Variants in KIF13B observed in about 807,000 individuals in gnomAD.
KIF13B encodes kinesin family member 13B.
KIF13B carries 127 observed loss-of-function variants against 222.0 expected under a neutral mutation model. The observed-to-expected ratio is 0.57, with a 90% confidence interval of 0.50 to 0.66. The LOEUF (loss-of-function observed/expected upper bound fraction) is 0.66. Among genes scored for constraint, KIF13B ranks in the 30% least tolerant of loss-of-function variants. The probability of loss-of-function intolerance (pLI) is 0.00; values close to 1 mark genes in which losing one functional copy is unlikely to be tolerated. For missense variants in KIF13B, 2,173 were observed against 2,379.0 expected (o/e 0.91, Z 1.80); for synonymous variants, 976 against 919.0 (o/e 1.06, Z -1.12).
intron 2 of KIF13B, among the ~76,000 whole-genome samples, chr8:29,236,010 C>T (rs1815490585): frequency 6.6e-6 from 1 of 152,160 alleles, no homozygotes; most frequent in Non-Finnish European, 1.5e-5. Context: ...ATCCACAGGA[C>T]AGAACAAATG....
chr8:29,154,774 T>C (rs1339037391), intron 14 of KIF13B, among the ~76,000 whole-genome samples: 1 of 152,176 alleles, frequency 6.6e-6, no homozygotes, highest in East Asian at 1.9e-4. Flanking sequence ...TGTGATTATT[T>C]ATGGCCTCAT....
intron 2 of KIF13B, among the ~76,000 whole-genome samples, chr8:29,231,985 GC>G (rs1372836068): frequency 6.6e-6 from 1 of 152,174 alleles, no homozygotes; most frequent in Non-Finnish European, 1.5e-5. Context: ...TCTGGGTGCA[GC>G]TGGTCATGCC....
intron 36 of KIF13B, among the ~76,000 whole-genome samples, chr8:29,095,533 G>C (rs192099302): frequency 2.6e-5 from 4 of 152,314 alleles, no homozygotes; most frequent in African/African-American, 9.6e-5. Flanking sequence ...TTGGGAGGCC[G>C]AGGCGGGTGG....
chr8:29,071,954 C>G lies in KIF13B; in HGVS notation c.4884G>C (p.Val1628=). Residue 1628 remains valine, a synonymous_variant, in exon 39 of 40, where the codon GTG becomes GTC. Transcript: ENST00000524189. The surrounding 1 kb of genome is among the most constrained non-coding windows in gnomAD (Gnocchi z 4.9). Reference sequence around the variant, plus strand: ...GGTCGGGGCGCTCCCGACCGGGGCTCACGAGCTGCTGGGGGCCAGGGGGCT... The same window carrying G: ...GGTCGGGGCGCTCCCGACCGGGGCTGACGAGCTGCTGGGGGCCAGGGGGCT... ...AEEPPGPQQL[V]SPGRERPDLE... The G allele has an allele frequency of 7.4e-7, 1 of 1,359,102 alleles. No individual in the cohort carries two copies. Among genetic ancestry groups the G allele is most frequent in the African/African-American group, 1.6e-5 (1 of 64,006 alleles). The allele number at this position is 1,359,102 out of a possible 1,614,324, so 84.2% of individuals were successfully genotyped here.
intron 1 of KIF13B, among the ~76,000 whole-genome samples, chr8:29,256,332 G>A (rs1400547015): frequency 2.6e-5 from 4 of 152,144 alleles, no homozygotes; most frequent in Admixed American, 6.6e-5. Context: ...CTCAGATGCC[G>A]ACACAAACCC....
chr8:29,159,799 T>C (rs943463300), intron 13 of KIF13B, among the ~76,000 whole-genome samples: 2 of 152,198 alleles, frequency 1.3e-5, no homozygotes, highest in Non-Finnish European at 1.5e-5. Flanking sequence ...CAATACATCA[T>C]ATAAGATACT....
intron 22 of KIF13B, 123 bp from the exon 23 acceptor site, chr8:29,132,588 T>A: frequency 1.8e-6 from 1 of 552,038 alleles, no homozygotes; most frequent in Non-Finnish European, 2.8e-6. Flanking sequence ...ATGTTTTAGT[T>A]ATACAGAACT....
intron 37 of KIF13B, among the ~76,000 whole-genome samples, chr8:29,088,032 C>G (rs1432456509): frequency 2.0e-5 from 3 of 152,136 alleles, no homozygotes; most frequent in African/African-American, 4.8e-5. Flanking sequence ...CTTTGGGAGG[C>G]TGACGCAGGC....
Position 29,262,986 on chromosome 8 carries a change from G to A in KIF13B, c.49C>T (p.Arg17Trp), listed in dbSNP as rs1237673651. The A allele has an allele frequency of 6.3e-7, 1 of 1,592,118 alleles. No homozygotes were observed. Among genetic ancestry groups the A allele is most frequent in the South Asian group, 1.1e-5 (1 of 87,628 alleles). ...KVAVRIRPMN[R>W]RETDLHTKCV... The stretch of plus-strand genomic sequence containing the variant: ...AGGAGGGCTCGGCTCTCACCTCGCC[G>A]GTTCATGGGTCGTATCCGCACCGCC... Residue 17 changes from arginine (R) to tryptophan (W), a missense_variant, in exon 1 of 40, where the codon CGG becomes TGG. Arg to Trp is a moderately radical substitution (Grantham distance 101, BLOSUM62 -3). Around this residue, in one of 2 missense-constraint regions of KIF13B, gnomAD observed 1,480 missense variants for 1,722.8 expected, o/e 0.86. Transcript: ENST00000524189.
Position 29,142,309 on chromosome 8 carries a change from A to C in KIF13B, c.2188-6T>G. On this transcript the variant is annotated splice_polypyrimidine_tract_variant and splice_region_variant and intron_variant, in intron 18 of 39. Transcript: ENST00000524189. ...TCACTAAGAAGAGAGCCTCGCTGCA[A>C]AGAGAGTAAGAATGACCGTGAGAAA... is the stretch of plus-strand genomic sequence containing the variant. 6.2e-7 allele frequency: 1 copy of C among 1,608,282 alleles called. No individual in the cohort carries two copies. Among genetic ancestry groups the C allele is most frequent in the South Asian group, 1.1e-5 (1 of 90,372 alleles).
In KIF13B at chr8:29,148,660, G is replaced by A. The variant is rs1811169121; in HGVS notation, c.1730C>T (p.Ser577Phe). ...SSEQLDVDGDSSSEVSSEVNF... is the reference protein window; with the variant it reads ...SSEQLDVDGDFSSEVSSEVNF... ...AACTTCACTGGACACCTCGCTGGAG[G>A]AGTCTCCGTCTACATCCAGCTGCTC... is the stretch of plus-strand genomic sequence containing the variant. Residue 577 changes from serine to phenylalanine, a missense_variant, in exon 16 of 40, where the codon TCC becomes TTC. This residue lies in a region of KIF13B where 1,480 missense variants were observed against 1,722.8 expected (regional missense o/e 0.86). Coordinates refer to ENST00000524189, the MANE Select transcript of KIF13B (RefSeq NM_015254.4). 1.2e-6 allele frequency: 2 copies of A among 1,613,076 alleles called. No homozygotes were observed. Among genetic ancestry groups the A allele is most frequent in the South Asian group, 1.1e-5 (1 of 90,724 alleles).
intron 2 of KIF13B, among the ~76,000 whole-genome samples, chr8:29,217,858 C>T (rs1490960181): frequency 6.6e-6 from 1 of 152,152 alleles, no homozygotes; most frequent in Non-Finnish European, 1.5e-5. Flanking sequence ...GGGGGGCTAT[C>T]AGGACACCCC....
chr8:29,150,729 A>G (rs1811260027), intron 14 of KIF13B, among the ~76,000 whole-genome samples: 1 of 152,136 alleles, frequency 6.6e-6, no homozygotes, highest in Non-Finnish European at 1.5e-5. Context: ...GTGATAAGGG[A>G]CCTCTGACCT....
intron 11 of KIF13B, 132 bp from the exon 12 acceptor site, chr8:29,165,904 T>TTCGATTGTAGATTGAAGTACC (rs1554610889): frequency 1.4e-5 from 8 of 567,854 alleles, no homozygotes; most frequent in East Asian, 8.8e-5. Flanking sequence ...TGACATCTAC[T>TTCGATTGTAGATTGAAGTACC]TCGATTGTAG....
rs367799854 is a variant in KIF13B, at chr8:29,099,176, G to A, written c.4281C>T (p.Pro1427=). 34 of 1,613,488 alleles carry A rather than the reference G, an allele frequency of 2.1e-5. No homozygotes were observed. The highest frequency in any genetic ancestry group is 1.6e-4 in the Middle Eastern group (1 of 6,080). The change falls in exon 36 of 40, where the codon CCC becomes CCT. Residue 1427 remains proline (P), a synonymous_variant. Transcript: ENST00000524189. ...TATTTTGGGGAGAAACAGAGAGGGC[G>A]GGGGCAGGAGCTATTCCTCTGGAAA... The part of the protein sequence containing the change: ...TTVSRGIAPA[P]ALSVSPQNNH...
At chr8:29,132,982 T>C (rs1233039235) in intron 22 of KIF13B, among the ~76,000 whole-genome samples, 2 of 152,232 alleles carry the variant, frequency 1.3e-5, no homozygotes, top group Non-Finnish European at 2.9e-5. Flanking sequence ...CATATTGCAA[T>C]TAGGATTTAG....
intron 9 of KIF13B, among the ~76,000 whole-genome samples, 187 bp downstream of exon 9, chr8:29,177,277 ACT>A (rs1812521939): frequency 6.6e-6 from 1 of 151,652 alleles, no homozygotes; most frequent in East Asian, 1.9e-4. Context: ...CTGCTGAGAA[ACT>A]CTGACCTGAC....
chr8:29,111,600 C>A (rs771404671), intron 32 of KIF13B, among the ~76,000 whole-genome samples: 2 of 152,128 alleles, frequency 1.3e-5, no homozygotes, highest in Non-Finnish European at 2.9e-5. Flanking sequence ...TCAAGCTGAT[C>A]CCCCCTATAT....
upstream of KIF13B, chr8:29,263,269 C>A: frequency 1.9e-6 from 1 of 534,612 alleles, no homozygotes; most frequent in Non-Finnish European, 3.2e-6. Flanking sequence ...GGGCGCGAGT[C>A]GTTTGCTACA....
Sources: gnomAD v4.1 joint callset for allele counts (sites outside exome capture counted in the v4.1 genomes callset) on GRCh38, gnomAD v4.1.1 for gene constraint, gnomAD v4.1.1 regional missense constraint, Gnocchi (gnomAD v3.1) non-coding constraint, MANE v1.5 for transcripts, NCBI Gene and HGNC (gene_info 2026-07-23, HGNC 2026-07-21) for gene names.